Variants in CPVL observed in about 807,000 individuals in gnomAD.
CPVL encodes the protein carboxypeptidase vitellogenic like, also known as probable serine carboxypeptidase CPVL.
CPVL carries 51 observed loss-of-function variants against 63.7 expected under a neutral mutation model. The ratio of observed to expected loss-of-function variants is 0.80; its 90% CI spans 0.64 to 1.01. CPVL has a LOEUF of 1.01. Ranked by LOEUF, CPVL falls within the 50% of genes least tolerant of loss-of-function variation. The pLI is 0.00. For missense variants in CPVL, 530 were observed against 573.1 expected (o/e 0.92, Z 0.77); for synonymous variants, 195 against 206.0 (o/e 0.95, Z 0.46).
chr7:29,066,547 T>C (rs776896822), intron 9 of CPVL, among the ~76,000 whole-genome samples: 1 of 152,078 alleles, frequency 6.6e-6, no homozygotes, highest in South Asian at 2.1e-4. Context: ...TAAAGACATA[T>C]TGGATGAGAG....
chr7:29,065,339 G>A (rs775772301), intron 10 of CPVL, among the ~76,000 whole-genome samples: 45 of 152,114 alleles, frequency 3.0e-4, no homozygotes, highest in Non-Finnish European at 3.8e-4. Flanking sequence ...TGAAACTAAC[G>A]TTATACTTTA....
intron 5 of CPVL, among the ~76,000 whole-genome samples, chr7:29,177,512 C>T (rs1797507486): frequency 6.6e-6 from 1 of 151,712 alleles, no homozygotes; most frequent in Non-Finnish European, 1.5e-5. Context: ...CCTTGGCCTC[C>T]CACAGTGCTG....
upstream of CPVL, chr7:29,147,039 T>A: frequency 6.5e-7 from 1 of 1,533,460 alleles, no homozygotes; most frequent in Non-Finnish European, 8.8e-7. Flanking sequence ...CCACCTGATG[T>A]GTTCTGTACC....
intron 5 of CPVL, among the ~76,000 whole-genome samples, chr7:29,164,346 T>G (rs947920316): frequency 3.3e-5 from 5 of 152,232 alleles, no homozygotes; most frequent in African/African-American, 1.2e-4. Context: ...AGGTTGTTTC[T>G]CTTCTTATTA....
intron 7 of CPVL, among the ~76,000 whole-genome samples, chr7:29,076,506 G>A (rs1447336329): frequency 6.6e-6 from 1 of 152,200 alleles, no homozygotes; most frequent in African/African-American, 2.4e-5. Flanking sequence ...AGTGACCTTC[G>A]AATGAGAAGC....
intron 12 of CPVL, among the ~76,000 whole-genome samples, chr7:29,017,189 T>C (rs1786498514): frequency 6.6e-6 from 1 of 152,322 alleles, no homozygotes; most frequent in East Asian, 1.9e-4. Flanking sequence ...CCATATTCTC[T>C]TATCCATGAC....
upstream of CPVL, chr7:29,146,777 T>C (rs1222143267): frequency 6.5e-7 from 1 of 1,549,238 alleles, no homozygotes; most frequent in African/African-American, 1.4e-5. Flanking sequence ...ATTTTGATTT[T>C]GTCTCCCAGT....
At position 28,995,570 on chromosome 7, in the gene CPVL, C is replaced by T; in HGVS notation, c.*202G>A. On this transcript the variant is annotated 3_prime_UTR_variant, in exon 13 of 13. Transcript: ENST00000265394. ...ATCCTTTAAGTTAAATAATGTAATT[C>T]TTACTCATGTACTCATGTTAATTTT... is the stretch of plus-strand genomic sequence containing the variant. 1 of 517,944 alleles carries T rather than the reference C, an allele frequency of 1.9e-6. No homozygotes were observed. 32.1% of individuals were successfully genotyped at this position (517,944 alleles called of 1,614,324 possible). A position where few individuals can be genotyped will look rare whatever the true frequency, so the allele number is the denominator to read the frequency against.
chr7:29,166,658 G>A (rs901689006), intron 5 of CPVL, among the ~76,000 whole-genome samples: 1 of 152,006 alleles, frequency 6.6e-6, no homozygotes, highest in Non-Finnish European at 1.5e-5. Flanking sequence ...AAAAAAGATG[G>A]TTGTAATATT....
intron 9 of CPVL, among the ~76,000 whole-genome samples, chr7:29,066,982 G>A (rs1054200564): frequency 6.6e-6 from 1 of 152,200 alleles, no homozygotes; most frequent in Non-Finnish European, 1.5e-5. Context: ...CAGGTAATTA[G>A]AGAAATGGAG....
chr7:29,074,978 C>T (rs980976241), intron 7 of CPVL, among the ~76,000 whole-genome samples: 3 of 151,952 alleles, frequency 2.0e-5, no homozygotes, highest in Non-Finnish European at 2.9e-5. Flanking sequence ...AATAAAAACA[C>T]ACTTGATAAA....
At chr7:29,020,337 C>T (rs1786835404) in intron 12 of CPVL, among the ~76,000 whole-genome samples, 1 of 152,190 alleles carries the variant, frequency 6.6e-6, no homozygotes, top group Admixed American at 6.5e-5. Context: ...GGCAGCTCAA[C>T]ATTCAAATAT....
At chr7:29,096,275 A>G in intron 3 of CPVL, 58 bp from the exon 4 acceptor site, 2 of 1,376,252 alleles carry the variant, frequency 1.5e-6, no homozygotes, top group South Asian at 2.3e-5. Context: ...GCTACAGAAC[A>G]CACACAAGCA....
intron 2 of CPVL, among the ~76,000 whole-genome samples, chr7:29,114,871 T>A (rs1026595555): frequency 6.6e-6 from 1 of 152,146 alleles, no homozygotes; most frequent in African/African-American, 2.4e-5. Context: ...GGAGCAGAAC[T>A]ACTGTTGCTG....
At chr7:29,067,203 C>A (rs1183450992) in intron 9 of CPVL, among the ~76,000 whole-genome samples, 1 of 152,084 alleles carries the variant, frequency 6.6e-6, no homozygotes, top group Non-Finnish European at 1.5e-5. Context: ...AGAACAAGAT[C>A]ATTGAAAAAG....
intron 1 of CPVL, among the ~76,000 whole-genome samples, chr7:29,141,528 C>T (rs545781982): frequency 9.9e-5 from 15 of 151,854 alleles, no homozygotes; most frequent in African/African-American, 3.1e-4. Flanking sequence ...CCAGCCTGGG[C>T]GACAGGGTGA....
chr7:29,188,775 A>C (rs1055806795), intron 1 of CPVL, among the ~76,000 whole-genome samples: 4 of 151,976 alleles, frequency 2.6e-5, no homozygotes, highest in African/African-American at 9.7e-5. Context: ...AACAACAACA[A>C]AACTGCTGAA....
chr7:29,164,922 T>C (rs11972001), intron 5 of CPVL, among the ~76,000 whole-genome samples: 25,101 of 152,096 alleles, frequency 0.17, 2,390 homozygotes, highest in African/African-American at 0.25. Context: ...ATCATTATGA[T>C]AATACCACAC....
chr7:29,068,919 G>A (rs1430618971), intron 9 of CPVL, among the ~76,000 whole-genome samples: 17 of 150,162 alleles, frequency 1.1e-4, no homozygotes, highest in South Asian at 4.2e-4. Flanking sequence ...TCCTGACCTC[G>A]TGATCCGCCC....
Sources: allele counts gnomAD v4.1 joint callset (sites outside exome capture counted in the v4.1 genomes callset), GRCh38; gene constraint gnomAD v4.1.1; transcripts MANE v1.5; gene names NCBI Gene and HGNC (gene_info 2026-07-23, HGNC 2026-07-21).